GAREM1: variants seen among roughly 807,000 people sequenced by gnomAD.
GAREM1 encodes the protein GRB2 associated regulator of MAPK1 subtype 1, also known as GRB2-associated and regulator of MAPK protein 1.
Under a neutral mutation model 71.3 loss-of-function variants are expected in GAREM1, and 26 were observed. The ratio of observed to expected loss-of-function variants is 0.36; its 90% confidence interval spans 0.27 to 0.51. The LOEUF (loss-of-function observed/expected upper bound fraction) is 0.51, where lower values mean the gene tolerates loss of function less well. GAREM1 is among the 20% of genes least tolerant of loss of function. The probability of loss-of-function intolerance (pLI) is 0.95; values close to 1 mark genes in which losing one functional copy is unlikely to be tolerated. For synonymous variants in GAREM1, 440 were observed against 433.2 expected (o/e 1.02, Z -0.20); for missense variants, 1,026 against 1,103.1 (o/e 0.93, Z 0.99).
At chr18:32,373,084 A>C (rs1222922659) in intron 2 of GAREM1, among the ~76,000 whole-genome samples, 8 of 152,208 alleles carry the variant, frequency 5.3e-5, no homozygotes, top group Non-Finnish European at 1.2e-4. Context: ...AAACAATAGA[A>C]GATTTACAAG....
At chr18:32,332,346 G>A (rs528279426) in intron 2 of GAREM1, among the ~76,000 whole-genome samples, 5 of 152,054 alleles carry the variant, frequency 3.3e-5, no homozygotes, top group Middle Eastern at 3.4e-3. Flanking sequence ...ACAGAGGCAC[G>A]CCATGTAACA....
At chr18:32,369,197 T>C (rs2047953942) in intron 2 of GAREM1, among the ~76,000 whole-genome samples, 1 of 152,154 alleles carries the variant, frequency 6.6e-6, no homozygotes, top group Admixed American at 6.5e-5. Flanking sequence ...TCAGGGCCCA[T>C]ATGCTGCTTT....
intron 1 of GAREM1, among the ~76,000 whole-genome samples, chr18:32,439,622 A>G (rs1429454084): frequency 6.6e-6 from 1 of 151,976 alleles, no homozygotes; most frequent in Non-Finnish European, 1.5e-5. Context: ...TTTGGTTGGA[A>G]AGTAACAGAG....
chr18:32,465,753 T>C (rs2048992928), intron 1 of GAREM1, among the ~76,000 whole-genome samples: 1 of 152,238 alleles, frequency 6.6e-6, no homozygotes, highest in Non-Finnish European at 1.5e-5. Context: ...GGAATCAGTT[T>C]CTACATTTGA....
intron 1 of GAREM1, among the ~76,000 whole-genome samples, chr18:32,452,852 C>CA (rs773001578): frequency 0.012 from 1,393 of 116,146 alleles, 21 homozygotes; most frequent in Non-Finnish European, 0.015. Flanking sequence ...ATAACTTCTA[C>CA]GTTTTTTTTT....
At chr18:32,290,214 A>G (rs537323624) in intron 3 of GAREM1, 8 of 151,968 alleles carry the variant, frequency 5.3e-5, no homozygotes, top group African/African-American at 1.7e-4. Flanking sequence ...CGACCTTTCT[A>G]TTTTCCCACT....
chr18:32,341,755 G>A (rs2047649990), intron 2 of GAREM1, among the ~76,000 whole-genome samples: 1 of 152,166 alleles, frequency 6.6e-6, no homozygotes, highest in African/African-American at 2.4e-5. Context: ...GAGGTGGAAT[G>A]GAGAGGAGAT....
At chr18:32,324,478 A>AT (rs1320361478) in intron 2 of GAREM1, among the ~76,000 whole-genome samples, 1 of 152,210 alleles carries the variant, frequency 6.6e-6, no homozygotes, top group East Asian at 1.9e-4. Context: ...AAGTGCCTTG[A>AT]TTATGAGAGA....
intron 1 of GAREM1, among the ~76,000 whole-genome samples, chr18:32,427,797 A>C (rs1239553960): frequency 6.6e-6 from 1 of 152,160 alleles, no homozygotes; most frequent in East Asian, 1.9e-4. Context: ...AAAAAATGTG[A>C]CCTTTCAAAA....
chr18:32,388,063 C>G (rs1216260279), intron 2 of GAREM1, among the ~76,000 whole-genome samples: 1 of 152,042 alleles, frequency 6.6e-6, no homozygotes, highest in African/African-American at 2.4e-5. Flanking sequence ...ATGGTTGTTA[C>G]CTATGCCAGA....
chr18:32,468,497 A>G (rs2049018597), intron 1 of GAREM1, among the ~76,000 whole-genome samples: 1 of 152,246 alleles, frequency 6.6e-6, no homozygotes, highest in Non-Finnish European at 1.5e-5. Context: ...GGAATTACAT[A>G]TAGTGATCAA....
intron 1 of GAREM1, among the ~76,000 whole-genome samples, chr18:32,396,452 A>G (rs2048256923): frequency 6.6e-6 from 1 of 152,226 alleles, no homozygotes; most frequent in African/African-American, 2.4e-5. Context: ...AGTGTAGAGA[A>G]GTCCTTAAAT....
At chr18:32,292,969 T>C (rs1042728263) in intron 3 of GAREM1, among the ~76,000 whole-genome samples, 2 of 152,252 alleles carry the variant, frequency 1.3e-5, no homozygotes, top group East Asian at 1.9e-4. Flanking sequence ...TGGCTAAATA[T>C]ATTGATGTCT....
intron 1 of GAREM1, among the ~76,000 whole-genome samples, chr18:32,397,065 G>A (rs1025696678): frequency 5.3e-5 from 8 of 152,024 alleles, no homozygotes; most frequent in Non-Finnish European, 1.2e-4. Context: ...TAAGATAAGT[G>A]AAGGAGAAAT....
intron 1 of GAREM1, among the ~76,000 whole-genome samples, chr18:32,458,381 G>T (rs2048917811): frequency 6.6e-6 from 1 of 151,980 alleles, no homozygotes; most frequent in African/African-American, 2.4e-5. Context: ...TTCATACAAT[G>T]CAAGGGAATT....
intron 1 of GAREM1, among the ~76,000 whole-genome samples, chr18:32,397,858 T>G (rs1021637814): frequency 6.6e-5 from 10 of 152,166 alleles, no homozygotes; most frequent in African/African-American, 2.2e-4. Context: ...TAACAGAATA[T>G]ACATTCTTTT....
chr18:32,438,429 T>C (rs967407885), intron 1 of GAREM1, among the ~76,000 whole-genome samples: 5 of 152,222 alleles, frequency 3.3e-5, no homozygotes, highest in Admixed American at 6.5e-5. Flanking sequence ...CATGGCCCCT[T>C]CTGCCCTAGA....
intron 2 of GAREM1, among the ~76,000 whole-genome samples, chr18:32,344,633 A>T (rs1444130911): frequency 2.0e-5 from 3 of 152,248 alleles, no homozygotes; most frequent in Non-Finnish European, 4.4e-5. Context: ...GGGTAAAAAA[A>T]TTAACTAAAG....
intron 1 of GAREM1, among the ~76,000 whole-genome samples, chr18:32,414,834 A>C (rs901224509): frequency 6.6e-6 from 1 of 152,058 alleles, no homozygotes; most frequent in Non-Finnish European, 1.5e-5. Context: ...AACAAAACCC[A>C]AAATTAGTAT....
Sources: allele counts gnomAD v4.1 joint callset (sites outside exome capture counted in the v4.1 genomes callset), GRCh38; gene constraint gnomAD v4.1.1; transcripts MANE v1.5; gene names NCBI Gene and HGNC (gene_info 2026-07-23, HGNC 2026-07-21).